Variants in CDH1 observed in about 807,000 individuals in gnomAD.
CDH1 encodes the protein cadherin 1.
In CDH1, 35 loss-of-function variants were observed where a neutral mutation model predicts 84.5. The ratio of observed to expected loss-of-function variants is 0.41; its 90% CI spans 0.32 to 0.55. The LOEUF is 0.55. Ranked by LOEUF, CDH1 falls within the 20% of genes least tolerant of loss-of-function variation. The probability of loss-of-function intolerance (pLI) is 0.19; values close to 1 mark genes in which losing one functional copy is unlikely to be tolerated. For synonymous variants in CDH1, 417 were observed against 439.0 expected, an observed-to-expected ratio of 0.95 and a Z score of 0.63; for missense variants, 994 against 1,126.6, an observed-to-expected ratio of 0.88 and a Z score of 1.68.
At chr16:68,768,323 G>A (rs1269053563) in intron 2 of CDH1, among the ~76,000 whole-genome samples, 2 of 152,328 alleles carry the variant, frequency 1.3e-5, no homozygotes, top group Admixed American at 1.3e-4. Flanking sequence ...CTAGATCCCT[G>A]CTAAAAGCAG....
At chr16:68,740,057 G>A (rs555683663) in intron 2 of CDH1, among the ~76,000 whole-genome samples, 22 of 152,254 alleles carry the variant, frequency 1.4e-4, no homozygotes, top group African/African-American at 5.3e-4. Context: ...AGGGAGCAAG[G>A]GAAGGGGCTA....
At chr16:68,808,982 C>T in intron 5 of CDH1, 134 bp downstream of exon 5, 1 of 813,576 alleles carries the variant, frequency 1.2e-6, no homozygotes, top group Non-Finnish European at 2.0e-6. Flanking sequence ...TGACCTGTTG[C>T]TAAGGAGAAG....
rs187218568 is a variant in CDH1, at chr16:68,744,416, C to T, written c.163+6005C>T. ...TGTGGTGCATGCTCACTCTTTCTCT[C>T]TCTATCCCCATCTCTAGCCATCTCC... On this transcript the variant is annotated intron_variant, in intron 2 of 15. Transcript: ENST00000261769. Among the ~76,000 whole-genome samples the T allele has an allele frequency of 4.5e-4, 68 of 152,324 alleles. No homozygotes were observed. In the East Asian group the frequency reaches 0.01, roughly 23 times the overall value.
chr16:68,832,835 AAG>A (rs1961520653), intron 15 of CDH1, among the ~76,000 whole-genome samples: 3 of 152,128 alleles, frequency 2.0e-5, no homozygotes, highest in African/African-American at 7.2e-5. Context: ...AAAAAAGAAA[AAG>A]AAAAAAAATA....
At chr16:68,797,469 G>A (rs1384759294) in intron 2 of CDH1, among the ~76,000 whole-genome samples, 4 of 152,150 alleles carry the variant, frequency 2.6e-5, no homozygotes, top group Non-Finnish European at 4.4e-5. Flanking sequence ...GATGGCTTGA[G>A]CCCAGGAGTT....
chr16:68,789,686 C>T (rs1960157971), intron 2 of CDH1, among the ~76,000 whole-genome samples: 2 of 152,162 alleles, frequency 1.3e-5, no homozygotes, highest in South Asian at 4.1e-4. Context: ...ATCCCTCACT[C>T]CTTAGTTGCT....
chr16:68,805,928 C>T (rs1960643254), intron 3 of CDH1, among the ~76,000 whole-genome samples: 1 of 151,766 alleles, frequency 6.6e-6, no homozygotes, highest in African/African-American at 2.4e-5. Context: ...GCTTAGGATA[C>T]AGTGGTTTTT....
In CDH1 at chr16:68,833,685, A is replaced by T. The variant is rs1138535; in HGVS notation, c.*186A>T. 5 of 612,280 alleles carry T rather than the reference A, an allele frequency of 8.2e-6. No homozygotes were observed. The highest frequency in any genetic ancestry group is 1.4e-5 in the Non-Finnish European group (5 of 347,088). 37.9% of individuals were successfully genotyped at this position (612,280 alleles called of 1,614,324 possible). A position where few individuals can be genotyped will look rare whatever the true frequency, so the allele number is the denominator to read the frequency against. On this transcript the variant is annotated 3_prime_UTR_variant, in exon 16 of 16. Transcript: ENST00000261769. ...TAGCTCTAATAAGTTTGTGTTAGAA[A>T]AGTTTCGACTTATTTCTTAAAGCTT...
chr16:68,753,305 A>G (rs1175103871), intron 2 of CDH1, among the ~76,000 whole-genome samples: 2 of 151,622 alleles, frequency 1.3e-5, no homozygotes, highest in Admixed American at 1.3e-4. Context: ...ATCAATAAAT[A>G]TTCATGAGAG....
intron 3 of CDH1, among the ~76,000 whole-genome samples, chr16:68,806,124 ATTTATTTATT>A (rs1567503484): frequency 1.8e-4 from 4 of 22,034 alleles, no homozygotes; most frequent in Admixed American, 4.6e-4. Context: ...ATTTTTGTAT[ATTTATTTATT>A]TATTTATTTA....
In CDH1 at chr16:68,811,722, G is replaced by T. The variant is rs876660645; in HGVS notation, c.871G>T (p.Asp291Tyr). 1 of 1,614,020 alleles carries T rather than the reference G, an allele frequency of 6.2e-7. No individual in the cohort carries two copies. ...GGAGGTCACAGCCACAGACGCGGAC[G>T]ATGATGTGAACACCTACAATGCCGC... ...VMEVTATDAD[D>Y]DVNTYNAAIA... Residue 291 changes from aspartate (D) to tyrosine (Y), a missense_variant, in exon 7 of 16, where the codon GAT becomes TAT. Coordinates refer to ENST00000261769, the MANE Select transcript of CDH1 (RefSeq NM_004360.5).
chr16:68,766,832 A>G (rs1813133106), intron 2 of CDH1, among the ~76,000 whole-genome samples: 1 of 151,522 alleles, frequency 6.6e-6, no homozygotes. Context: ...GGTTCAAGCA[A>G]TCCTCCTGCC....
chr16:68,776,981 T>TG (rs1348645265), intron 2 of CDH1, among the ~76,000 whole-genome samples: 1 of 152,194 alleles, frequency 6.6e-6, no homozygotes, highest in Admixed American at 6.5e-5. Context: ...AATCTTGGTG[T>TG]GGCTGACTTC....
At chr16:68,781,553 G>A (rs780004867) in intron 2 of CDH1, among the ~76,000 whole-genome samples, 1 of 152,012 alleles carries the variant, frequency 6.6e-6, no homozygotes, top group Non-Finnish European at 1.5e-5. Flanking sequence ...TGCCCAGGTT[G>A]GTGTCGAACT....
intron 2 of CDH1, among the ~76,000 whole-genome samples, chr16:68,779,861 G>A (rs762507292): frequency 1.3e-5 from 2 of 151,936 alleles, no homozygotes; most frequent in Non-Finnish European, 2.9e-5. Flanking sequence ...GTTGGAGGGA[G>A]GCTGGAGAAT....
At position 68,801,859 on chromosome 16, in the gene CDH1, C is replaced by G. The variant is rs587782677; in HGVS notation, c.353C>G (p.Thr118Arg). The change falls in exon 3 of 16, where the codon ACA becomes AGA. Residue 118 changes from threonine to arginine, a missense_variant. Transcript: ENST00000261769. ...TTTTCCACCAAAGTCACGCTGAATA[C>G]AGTGGGGCACCACCACCGCCCCCCG... ...RKFSTKVTLN[T>R]VGHHHRPPPH... 6.2e-7 allele frequency: 1 copy of G among 1,614,186 alleles called. No individual in the cohort carries two copies. Among genetic ancestry groups the G allele is most frequent in the Non-Finnish European group, 8.5e-7 (1 of 1,180,016 alleles).
chr16:68,762,412 A>T (rs1020224324), intron 2 of CDH1, among the ~76,000 whole-genome samples: 55 of 152,104 alleles, frequency 3.6e-4, no homozygotes, highest in African/African-American at 1.3e-3. Flanking sequence ...TGTAGTTGCC[A>T]CTCAGTGAGT....
At chr16:68,790,647 A>G (rs1449866489) in intron 2 of CDH1, among the ~76,000 whole-genome samples, 1 of 152,172 alleles carries the variant, frequency 6.6e-6, no homozygotes, top group Non-Finnish European at 1.5e-5. Flanking sequence ...CCGCCTCTGC[A>G]GGAGGCCTAA....
chr16:68,820,123 T>G (rs1207560208), intron 11 of CDH1, among the ~76,000 whole-genome samples: 1 of 151,896 alleles, frequency 6.6e-6, no homozygotes, highest in Non-Finnish European at 1.5e-5. Flanking sequence ...TGCTTGAGTC[T>G]GAAAGGTGGA....
Sources: gnomAD v4.1 joint callset for allele counts (sites outside exome capture counted in the v4.1 genomes callset) on GRCh38, gnomAD v4.1.1 for gene constraint, MANE v1.5 for transcripts, NCBI Gene and HGNC (gene_info 2026-07-23, HGNC 2026-07-21) for gene names.